EYS: variants seen among roughly 807,000 people sequenced by gnomAD.
EYS encodes EGF-like photoreceptor maintenance factor.
A neutral mutation model predicts 282.1 loss-of-function variants in EYS; 250 were observed. The ratio of observed to expected loss-of-function variants is 0.89; its 90% CI spans 0.80 to 0.98. The LOEUF (loss-of-function observed/expected upper bound fraction) is 0.98. EYS is among the 50% of genes least tolerant of loss of function. The pLI is 0.00. For missense variants in EYS, 4,016 were observed against 3,709.0 expected (o/e 1.08, Z -2.15); for synonymous variants, 1,355 against 1,282.9 (o/e 1.06, Z -1.20).
chr6:65,655,678 C>A (rs532231799), intron 1 of EYS, among the ~76,000 whole-genome samples: 1 of 151,612 alleles, frequency 6.6e-6, no homozygotes, highest in Admixed American at 6.6e-5. Context: ...TGTTTTTTAA[C>A]AAATTGAAGG....
intron 7 of EYS, among the ~76,000 whole-genome samples, chr6:65,397,242 G>T (rs1766312492): frequency 6.6e-6 from 1 of 151,568 alleles, no homozygotes; most frequent in Non-Finnish European, 1.5e-5. Flanking sequence ...TTTTTTGTTT[G>T]TTTGCTTGTT....
Position 64,677,112 on chromosome 6 carries a change from C to T in EYS, c.3444-50867G>A, listed in dbSNP as rs181619809. Reference sequence around the variant, plus strand: ...ATAATCAGAATATTCTCCATGCTGCCTAGGCCATTATCACATCTAACAATA... The same window carrying T: ...ATAATCAGAATATTCTCCATGCTGCTTAGGCCATTATCACATCTAACAATA... On this transcript the variant is annotated intron_variant, in intron 22 of 42. Transcript: ENST00000503581. 3.9e-5 allele frequency among the ~76,000 whole-genome samples: 6 copies of T among 152,234 alleles called. No individual in the cohort carries two copies. In the East Asian group the frequency reaches 1.2e-3, roughly 29 times the overall value.
chr6:64,724,262 C>A (rs1350364422), intron 22 of EYS, among the ~76,000 whole-genome samples: 1 of 152,142 alleles, frequency 6.6e-6, no homozygotes, highest in Non-Finnish European at 1.5e-5. Flanking sequence ...TGTTATATTT[C>A]TTTTGCCTGC....
intron 31 of EYS, among the ~76,000 whole-genome samples, chr6:64,162,874 C>A (rs1453546651): frequency 6.6e-6 from 1 of 151,966 alleles, no homozygotes; most frequent in African/African-American, 2.4e-5. Flanking sequence ...CTTATGGTAC[C>A]TCCAAACTTC....
intron 12 of EYS, among the ~76,000 whole-genome samples, chr6:65,141,649 GT>G (rs1764346003): frequency 7.6e-6 from 1 of 131,252 alleles, no homozygotes; most frequent in Non-Finnish European, 1.6e-5. Context: ...CTGTCTGTCT[GT>G]CTATCTATCT....
intron 26 of EYS, among the ~76,000 whole-genome samples, chr6:64,535,224 G>GT (rs1409118117): frequency 6.6e-6 from 1 of 152,100 alleles, no homozygotes; most frequent in Non-Finnish European, 1.5e-5. Context: ...TTCTTTTTAA[G>GT]TCTGAGAATA....
chr6:64,165,662 A>C (rs1311080697), intron 31 of EYS, among the ~76,000 whole-genome samples: 1 of 152,144 alleles, frequency 6.6e-6, no homozygotes, highest in Non-Finnish European at 1.5e-5. Context: ...AAGTATTGGC[A>C]AGGGACTTGA....
intron 2 of EYS, among the ~76,000 whole-genome samples, chr6:65,601,961 A>T (rs1765630863): frequency 6.6e-6 from 1 of 151,960 alleles, no homozygotes. Context: ...GTTGGTATGA[A>T]GAAAATAAAA....
intron 15 of EYS, among the ~76,000 whole-genome samples, chr6:64,920,566 T>A (rs1768311676): frequency 6.6e-6 from 1 of 152,160 alleles, no homozygotes; most frequent in Admixed American, 6.5e-5. Context: ...TAATGCTTTA[T>A]ATATTCAGAA....
At chr6:64,922,270 G>A (rs1007748375) in intron 15 of EYS, among the ~76,000 whole-genome samples, 2 of 152,170 alleles carry the variant, frequency 1.3e-5, no homozygotes, top group African/African-American at 4.8e-5. Flanking sequence ...GATTCTGCTT[G>A]TTTCTCATTG....
At chr6:65,522,023 T>C (rs1257810978) in intron 2 of EYS, among the ~76,000 whole-genome samples, 2 of 152,178 alleles carry the variant, frequency 1.3e-5, no homozygotes, top group Non-Finnish European at 2.9e-5. Context: ...GGGTCTCTTC[T>C]TACAAAAAAT....
intron 35 of EYS, among the ~76,000 whole-genome samples, chr6:63,955,422 C>T (rs959806818): frequency 6.6e-6 from 1 of 152,196 alleles, no homozygotes; most frequent in Non-Finnish European, 1.5e-5. Flanking sequence ...CACTTCAATA[C>T]TTTCACCCTG....
At chr6:64,014,157 A>T (rs561811501) in intron 33 of EYS, among the ~76,000 whole-genome samples, 1 of 152,250 alleles carries the variant, frequency 6.6e-6, no homozygotes, top group Non-Finnish European at 1.5e-5. Flanking sequence ...TCAAGTTAAA[A>T]GACCGTATGG....
chr6:65,092,911 T>A (rs781414236), intron 12 of EYS, among the ~76,000 whole-genome samples: 2 of 152,144 alleles, frequency 1.3e-5, no homozygotes, highest in Non-Finnish European at 2.9e-5. Context: ...AGAAAGCTTA[T>A]CTAAAGAAAT....
chr6:65,300,078 T>C (rs1251302170), intron 11 of EYS, among the ~76,000 whole-genome samples: 1 of 152,214 alleles, frequency 6.6e-6, no homozygotes, highest in African/African-American at 2.4e-5. Context: ...TTAATCACTA[T>C]ATTTTTAGTT....
At chr6:63,993,011 A>G (rs1767673303) in intron 34 of EYS, among the ~76,000 whole-genome samples, 1 of 151,756 alleles carries the variant, frequency 6.6e-6, no homozygotes, top group Admixed American at 6.6e-5. Context: ...TCCTGCGTTC[A>G]TTCTCCTTCC....
chr6:64,120,083 T>C (rs962778372), intron 31 of EYS, among the ~76,000 whole-genome samples: 5 of 151,902 alleles, frequency 3.3e-5, no homozygotes, highest in East Asian at 3.9e-4. Flanking sequence ...CGTGGTGGCT[T>C]ACACCTGTAA....
At chr6:65,074,627 C>T (rs140825466) in intron 12 of EYS, among the ~76,000 whole-genome samples, 7 of 151,996 alleles carry the variant, frequency 4.6e-5, no homozygotes, top group African/African-American at 1.4e-4. Context: ...AAAGTGAGTG[C>T]GAAATAGCAG....
intron 31 of EYS, among the ~76,000 whole-genome samples, chr6:64,150,393 G>A (rs1475368499): frequency 1.3e-5 from 2 of 152,176 alleles, no homozygotes; most frequent in Admixed American, 6.6e-5. Flanking sequence ...TCTAGATGTG[G>A]TTAACAGATC....
Sources: gnomAD v4.1 joint callset for allele counts (sites outside exome capture counted in the v4.1 genomes callset) on GRCh38, gnomAD v4.1.1 for gene constraint, MANE v1.5 for transcripts, NCBI Gene and HGNC (gene_info 2026-07-23, HGNC 2026-07-21) for gene names.